The following SPAG9 variants were observed in gnomAD, a reference collection of about 807,000 sequenced individuals.
SPAG9 encodes the protein C-Jun-amino-terminal kinase-interacting protein 4.
SPAG9 carries 35 observed loss-of-function variants against 166.5 expected under a neutral mutation model. The observed-to-expected ratio is 0.21, with a 90% CI of 0.16 to 0.28. SPAG9 has a LOEUF of 0.28. Among genes scored for constraint, SPAG9 ranks in the 10% least tolerant of loss-of-function variants. SPAG9 has a pLI of 1.00. For synonymous variants in SPAG9, 534 were observed against 565.5 expected, an observed-to-expected ratio of 0.94 and a Z score of 0.79; for missense variants, 1,235 against 1,603.3, an observed-to-expected ratio of 0.77 and a Z score of 3.92.
At chr17:51,005,328 G>A in intron 11 of SPAG9, 65 bp from the exon 12 acceptor site, 1 of 1,488,790 alleles carries the variant, frequency 6.7e-7, no homozygotes, top group Non-Finnish European at 9.3e-7. Flanking sequence ...AAAAAAATAA[G>A]AGTAGGTCAA....
Position 51,005,258 on chromosome 17 carries a change from C to T in SPAG9, c.1430G>A (p.Arg477Gln), listed in dbSNP as rs202034183. 12 of 1,613,782 alleles carry T rather than the reference C, an allele frequency of 7.4e-6. No homozygotes were observed. Among genetic ancestry groups the T allele is most frequent in the Middle Eastern group, 1.7e-4 (1 of 6,060 alleles). Reference protein sequence around the residue: ...RELEEELRKARAEAEDARQKA... With the variant: ...RELEEELRKAQAEAEDARQKA... ...TTGCCTTGCATCTTCAGCTTCTGCC[C>T]GAGCTCTAGTGGGGAAAAAACAAAA... Residue 477 changes from arginine (R) to glutamine (Q), a missense_variant, in exon 12 of 30, where the codon CGG becomes CAG. This residue lies in a region of SPAG9 where 125 missense variants were observed against 194.0 expected (regional missense o/e 0.64). Transcript: ENST00000262013.
intron 1 of SPAG9, among the ~76,000 whole-genome samples, chr17:51,099,027 G>A (rs1250057498): frequency 6.6e-6 from 1 of 151,018 alleles, no homozygotes; most frequent in Non-Finnish European, 1.5e-5. Context: ...TTGAACCCAG[G>A]AGGCAGAGGC....
At chr17:50,998,725 A>G in intron 14 of SPAG9, 108 bp from the exon 15 acceptor site, 1 of 1,090,276 alleles carries the variant, frequency 9.2e-7, no homozygotes, top group Non-Finnish European at 1.3e-6. Context: ...TTACAAGGCA[A>G]TGAGTTAGAA....
intron 6 of SPAG9, among the ~76,000 whole-genome samples, chr17:51,028,476 T>C (rs2046273365): frequency 1.3e-5 from 2 of 152,230 alleles, no homozygotes; most frequent in South Asian, 4.1e-4. Context: ...GTATCTTTTC[T>C]ATGTTTAGGT....
chr17:50,989,671 T>C lies in SPAG9; in HGVS notation c.2813+6A>G, dbSNP rs201839142. On this transcript the variant is annotated splice_donor_region_variant and intron_variant, in intron 21 of 29. Transcript: ENST00000262013. ...AGTTGCCTAAGTTGATGACCCATTA[T>C]TATACCTCGACTGATACACTGGGGA... 6.1e-5 allele frequency: 99 copies of C among 1,613,244 alleles called. No individual in the cohort carries two copies. The East Asian group carries it at 2.1e-3, about 34-fold the overall frequency.
chr17:51,114,626 A>C (rs1182638389), intron 1 of SPAG9, among the ~76,000 whole-genome samples: 1 of 151,562 alleles, frequency 6.6e-6, no homozygotes, highest in African/African-American at 2.4e-5. Context: ...CGTGAAACTC[A>C]GTCTCAAAAA....
intron 9 of SPAG9, among the ~76,000 whole-genome samples, chr17:51,009,570 C>T (rs1567993123): frequency 6.6e-6 from 1 of 152,192 alleles, no homozygotes; most frequent in East Asian, 1.9e-4. Flanking sequence ...CTAAATGTGA[C>T]TCAGTCTGTC....
chr17:51,043,551 T>C (rs2046919732), intron 4 of SPAG9, among the ~76,000 whole-genome samples: 1 of 152,178 alleles, frequency 6.6e-6, no homozygotes, highest in Non-Finnish European at 1.5e-5. Flanking sequence ...TAGATTTCCT[T>C]TTCATATTCA....
In SPAG9 at chr17:51,021,290, T is replaced by C. The variant is rs138378976; in HGVS notation, c.859A>G (p.Thr287Ala). The C allele has an allele frequency of 1.8e-4, 291 of 1,614,046 alleles. No homozygotes were observed. Among genetic ancestry groups the C allele is most frequent in the Non-Finnish European group, 2.3e-4 (267 of 1,180,014 alleles). The stretch of plus-strand genomic sequence containing the variant: ...TTTAAGGGAGTATCAGTAGGAATTG[T>C]TGCCACATCTGAATTAGCTGTTGAT... ...PASTANSDVA[T>A]IPTDTPLKEE... is the part of the protein sequence containing the mutation. Residue 287 changes from threonine to alanine, a missense_variant, in exon 7 of 30, where the codon ACA (threonine) becomes GCA (alanine). Thr to Ala is a moderately conservative substitution (Grantham distance 58). This residue lies in a region of SPAG9 where 288 missense variants were observed against 323.7 expected (regional missense o/e 0.89). Transcript: ENST00000262013.
At chr17:51,086,409 G>C (rs1415465789) in intron 1 of SPAG9, among the ~76,000 whole-genome samples, 2 of 151,902 alleles carry the variant, frequency 1.3e-5, no homozygotes, top group Non-Finnish European at 2.9e-5. Context: ...GGGAGGCCGA[G>C]GTGGGCAGAC....
At chr17:51,027,210 T>A (rs1397505819) in intron 6 of SPAG9, among the ~76,000 whole-genome samples, 3 of 152,052 alleles carry the variant, frequency 2.0e-5, no homozygotes, top group African/African-American at 2.4e-5. Context: ...GACAGGTGGA[T>A]CACTTGAGGT....
chr17:51,007,567 G>A (rs984155202), intron 9 of SPAG9, among the ~76,000 whole-genome samples: 1 of 151,878 alleles, frequency 6.6e-6, no homozygotes, highest in African/African-American at 2.4e-5. Context: ...AATCTGAATC[G>A]GCTTGCTAGG....
chr17:50,995,137 C>T lies in SPAG9; in HGVS notation c.2146G>A (p.Val716Ile). Residue 716 changes from valine (V) to isoleucine (I), a missense_variant, in exon 18 of 30, where the codon GTT (valine) becomes ATT (isoleucine). By Grantham distance (29) the Val-to-Ile change is conservative (BLOSUM62 3). Around this residue, in one of 6 missense-constraint regions of SPAG9, gnomAD observed 493 missense variants for 559.4 expected, o/e 0.88. Coordinates refer to ENST00000262013, the MANE Select transcript of SPAG9 (RefSeq NM_001130528.3). ...CTGCCTTCTGTATCCAAACCAGCAA[C>T]ATCCTTGTAAAATACACTTGCTCCA... ...VVGASVFYKD[V>I]AGLDTEGSKQ... 6.2e-7 allele frequency: 1 copy of T among 1,614,072 alleles called. No individual in the cohort carries two copies. The highest frequency in any genetic ancestry group is 8.5e-7 in the Non-Finnish European group (1 of 1,179,948).
chr17:51,023,864 C>T (rs2144212101), intron 6 of SPAG9, among the ~76,000 whole-genome samples: 1 of 152,260 alleles, frequency 6.6e-6, no homozygotes, highest in Admixed American at 6.5e-5. Context: ...CGGAGTTTTG[C>T]CACGCTGCCC....
At chr17:51,067,260 G>C (rs2047699446) in intron 2 of SPAG9, among the ~76,000 whole-genome samples, 1 of 152,008 alleles carries the variant, frequency 6.6e-6, no homozygotes, top group Non-Finnish European at 1.5e-5. Flanking sequence ...GCTTACTCAA[G>C]GCCTAAGTCC....
chr17:51,053,853 AAGTATATATATATATATAT>A lies in SPAG9; in HGVS notation c.495+2540_495+2558del, dbSNP rs1361264775. Among the ~76,000 whole-genome samples, 22 of 56,154 alleles carry A rather than the reference AAGTATATATATATATATAT, an allele frequency of 3.9e-4. 1 individual carries two copies. In the South Asian group the frequency reaches 4.7e-3, roughly 12 times the overall value. 36.8% of individuals were successfully genotyped at this position (56,154 alleles called of 152,430 possible). Reference sequence around the variant, plus strand: ...ACCCTAATTAAAAAAAAAAAAAAAAAAGTATATATATATATATATATATATATATATATATATATATATA... The same window carrying A: ...ACCCTAATTAAAAAAAAAAAAAAAAAATATATATATATATATATATATATA... On this transcript the variant is annotated intron_variant, in intron 3 of 29. Transcript: ENST00000262013.
chr17:50,971,735 C>G (rs1422758013), intron 28 of SPAG9, among the ~76,000 whole-genome samples: 2 of 152,000 alleles, frequency 1.3e-5, no homozygotes, highest in Non-Finnish European at 2.9e-5. Flanking sequence ...GCTGGGAATA[C>G]AGGCATGAGC....
At chr17:51,051,132 C>T (rs766693051) in intron 3 of SPAG9, among the ~76,000 whole-genome samples, 7 of 151,762 alleles carry the variant, frequency 4.6e-5, no homozygotes, top group African/African-American at 7.3e-5. Context: ...TGTTTTGTGA[C>T]GGAGGCTTGC....
intron 22 of SPAG9, 137 bp from the exon 23 acceptor site, chr17:50,985,915 T>A (rs931314007): frequency 1.5e-5 from 8 of 543,680 alleles, no homozygotes; most frequent in Non-Finnish European, 2.6e-5. Flanking sequence ...GCTGCTTTTG[T>A]GCAATGGTCA....
Sources: gnomAD v4.1 joint callset for allele counts (sites outside exome capture counted in the v4.1 genomes callset) on GRCh38, gnomAD v4.1.1 for gene constraint, gnomAD v4.1.1 regional missense constraint, MANE v1.5 for transcripts, NCBI Gene and HGNC (gene_info 2026-07-23, HGNC 2026-07-21) for gene names.